Variants in MYO18B observed in about 807,000 individuals in gnomAD.
MYO18B encodes unconventional myosin-XVIIIb.
In MYO18B, 204 loss-of-function variants were observed where a neutral mutation model predicts 273.0. The observed-to-expected ratio is 0.75, with a 90% CI of 0.67 to 0.84. The LOEUF is 0.84. Among genes scored for constraint, MYO18B ranks in the 40% least tolerant of loss-of-function variants. The probability of loss-of-function intolerance (pLI) is 0.00; values close to 1 mark genes in which losing one functional copy is unlikely to be tolerated. For missense variants in MYO18B, 3,212 were observed against 3,287.6 expected (o/e 0.98, Z 0.56); for synonymous variants, 1,330 against 1,305.7 (o/e 1.02, Z -0.40).
chr22:25,948,428 TTCC>T (rs1429042949), intron 36 of MYO18B, among the ~76,000 whole-genome samples: 10 of 123,632 alleles, frequency 8.1e-5, no homozygotes, highest in Non-Finnish European at 1.1e-4. Flanking sequence ...CCTTCCTTCC[TTCC>T]TTCCTTCCTT....
chr22:26,057,163 GC>G, the MYO18B span, among the ~76,000 whole-genome samples: 18 of 151,884 alleles, frequency 1.2e-4, no homozygotes, highest in Admixed American at 1.2e-3. Flanking sequence ...TTTCCCTAGG[GC>G]CCCTTGTTCT....
At chr22:26,008,682 T>C (rs2146936610) in intron 42 of MYO18B, among the ~76,000 whole-genome samples, 1 of 152,282 alleles carries the variant, frequency 6.6e-6, no homozygotes, top group South Asian at 2.1e-4. Flanking sequence ...AGGGAGTTTA[T>C]GGGCTGGATG....
chr22:25,995,636 CAG>C (rs1386638463), intron 40 of MYO18B, among the ~76,000 whole-genome samples: 2 of 152,134 alleles, frequency 1.3e-5, no homozygotes, highest in African/African-American at 4.8e-5. Flanking sequence ...GGTGAGGTCA[CAG>C]AAAGTTGCAG....
At chr22:25,811,466 G>A (rs1385009176) in intron 12 of MYO18B, among the ~76,000 whole-genome samples, 2 of 152,192 alleles carry the variant, frequency 1.3e-5, no homozygotes, top group African/African-American at 2.4e-5. Flanking sequence ...CCAGGACATC[G>A]ACAGCGGTGC....
chr22:26,009,251 C>A (rs148669956), intron 42 of MYO18B, among the ~76,000 whole-genome samples: 176 of 152,300 alleles, frequency 1.2e-3, no homozygotes, highest in African/African-American at 4.0e-3. Flanking sequence ...GAGGTCCAGT[C>A]CTGCCCTGTC....
chr22:25,871,826 T>A (rs151185219), intron 22 of MYO18B, among the ~76,000 whole-genome samples: 2 of 152,134 alleles, frequency 1.3e-5, no homozygotes, highest in Admixed American at 1.3e-4. Flanking sequence ...AGAGAGAAAT[T>A]GAGATAAGAT....
intron 23 of MYO18B, among the ~76,000 whole-genome samples, chr22:25,875,513 C>CG (rs200216049): frequency 1.7e-3 from 257 of 152,018 alleles, no homozygotes; most frequent in East Asian, 8.5e-3. Context: ...GGTCCCCCCC[C>CG]CAGTGATAAG....
At chr22:25,837,224 G>T (rs2089932728) in intron 17 of MYO18B, among the ~76,000 whole-genome samples, 1 of 152,138 alleles carries the variant, frequency 6.6e-6, no homozygotes, top group South Asian at 2.1e-4. Flanking sequence ...CTGTGACTCT[G>T]GTTGAGGTCA....
chr22:25,794,360 C>T (rs1035388206), intron 11 of MYO18B, among the ~76,000 whole-genome samples: 4 of 151,754 alleles, frequency 2.6e-5, no homozygotes, highest in African/African-American at 9.7e-5. Context: ...GCTCATGCCA[C>T]CATGCCTGGC....
intron 39 of MYO18B, among the ~76,000 whole-genome samples, chr22:25,962,282 A>G (rs2092926217): frequency 6.6e-6 from 1 of 152,050 alleles, no homozygotes; most frequent in African/African-American, 2.4e-5. Context: ...CACCCCATCA[A>G]TGCATGTGTC....
At chr22:25,804,235 C>T (rs576541247) in intron 12 of MYO18B, among the ~76,000 whole-genome samples, 1 of 152,118 alleles carries the variant, frequency 6.6e-6, no homozygotes, top group Non-Finnish European at 1.5e-5. Flanking sequence ...CAGAGTGGCC[C>T]TTTTCACACA....
intron 3 of MYO18B, 72 bp from the exon 4 acceptor site, chr22:25,768,043 G>T (rs1008128115): frequency 1.6e-5 from 21 of 1,304,026 alleles, no homozygotes; most frequent in South Asian, 2.8e-5. Context: ...ATGAATGAAC[G>T]AACACGAGTG....
At chr22:25,870,666 C>A (rs959801968) in intron 22 of MYO18B, among the ~76,000 whole-genome samples, 1 of 152,166 alleles carries the variant, frequency 6.6e-6, no homozygotes, top group East Asian at 1.9e-4. Context: ...TCTAGACCAG[C>A]AGTTCTCAAA....
chr22:25,820,615 A>G (rs1329171890), intron 12 of MYO18B, among the ~76,000 whole-genome samples: 1 of 152,250 alleles, frequency 6.6e-6, no homozygotes, highest in Non-Finnish European at 1.5e-5. Context: ...AAACATGTAC[A>G]GTTATCAGGG....
chr22:25,827,700 A>G (rs1313776489), intron 14 of MYO18B, among the ~76,000 whole-genome samples: 2 of 152,210 alleles, frequency 1.3e-5, no homozygotes, highest in Non-Finnish European at 2.9e-5. Context: ...CTGAGCCCAC[A>G]GACATATTAT....
At chr22:25,866,178 T>A (rs1215326354) in intron 21 of MYO18B, among the ~76,000 whole-genome samples, 1 of 150,376 alleles carries the variant, frequency 6.6e-6, no homozygotes, top group Admixed American at 6.8e-5. Flanking sequence ...TTTTGCTTCC[T>A]GAGCATTGCA....
chr22:25,906,150 G>A (rs1165181017), intron 31 of MYO18B, among the ~76,000 whole-genome samples: 1 of 152,132 alleles, frequency 6.6e-6, no homozygotes, highest in Non-Finnish European at 1.5e-5. Context: ...AGGCTGCATT[G>A]TGCCCTTGTA....
At chr22:25,781,969 T>C in intron 10 of MYO18B, 135 bp downstream of exon 10, 1 of 578,314 alleles carries the variant, frequency 1.7e-6, no homozygotes, top group Non-Finnish European at 2.7e-6. Context: ...GGCGTCCGAT[T>C]CCAGCTGTCT....
chr22:25,795,770 C>G (rs1335385048), intron 11 of MYO18B, among the ~76,000 whole-genome samples: 1 of 152,170 alleles, frequency 6.6e-6, no homozygotes, highest in Non-Finnish European at 1.5e-5. Flanking sequence ...AAGCAAATCT[C>G]TTAATGTCAC....
Sources: allele counts gnomAD v4.1 joint callset (sites outside exome capture counted in the v4.1 genomes callset), GRCh38; gene constraint gnomAD v4.1.1; transcripts MANE v1.5; gene names NCBI Gene and HGNC (gene_info 2026-07-23, HGNC 2026-07-21).